PRMT8: variants seen among roughly 807,000 people sequenced by gnomAD.
PRMT8 encodes protein arginine methyltransferase 8.
Under a neutral mutation model 47.1 loss-of-function variants are expected in PRMT8, and 7 were observed. That is an observed-to-expected ratio of 0.15 (90% CI 0.08 to 0.28). PRMT8 has a LOEUF of 0.28. Ranked by LOEUF, PRMT8 falls within the 10% of genes least tolerant of loss-of-function variation. The pLI is 1.00. For missense variants in PRMT8, 237 were observed against 505.4 expected (o/e 0.47, Z 5.09); for synonymous variants, 188 against 186.5 (o/e 1.01, Z -0.07).
chr12:3,392,466 G>GT (rs1159181089), intron 1 of PRMT8, among the ~76,000 whole-genome samples: 4 of 149,350 alleles, frequency 2.7e-5, no homozygotes, highest in Non-Finnish European at 5.9e-5. Flanking sequence ...GCGGTGTTTG[G>GT]TTTTTTGTTC....
chr12:3,409,955 C>T lies in PRMT8; in HGVS notation c.48+28513C>T, dbSNP rs1864409584. Reference sequence around the variant, plus strand: ...CAAGAGAGGCAGGGTGTAGCAGCAACTGGGAGGCGTGGATGGAGTGGCTCT... The same window carrying T: ...CAAGAGAGGCAGGGTGTAGCAGCAATTGGGAGGCGTGGATGGAGTGGCTCT... On this transcript the variant is annotated intron_variant, in intron 1 of 9. Coordinates refer to the PRMT8 transcript ENST00000452611. The surrounding 1 kb of genome is among the most constrained non-coding windows in gnomAD (Gnocchi z 4.4). Among the ~76,000 whole-genome samples, 3 of 152,310 alleles carry T rather than the reference C, an allele frequency of 2.0e-5. No homozygotes were observed. In the South Asian group the frequency reaches 6.2e-4, roughly 32 times the overall value.
intron 1 of PRMT8, among the ~76,000 whole-genome samples, chr12:3,434,626 G>C (rs879799891): frequency 2.6e-5 from 4 of 152,142 alleles, no homozygotes; most frequent in Admixed American, 2.6e-4. Flanking sequence ...GAGCCCCCCA[G>C]AAAATGGAGC....
chr12:3,458,105 C>A (rs1467623497), intron 1 of PRMT8, among the ~76,000 whole-genome samples: 2 of 151,938 alleles, frequency 1.3e-5, no homozygotes, highest in African/African-American at 4.8e-5. Flanking sequence ...CCTCCCAAAG[C>A]GCTGGGATTA....
At chr12:3,415,376 C>T (rs954495169) in intron 1 of PRMT8, among the ~76,000 whole-genome samples, 1 of 152,126 alleles carries the variant, frequency 6.6e-6, no homozygotes, top group Non-Finnish European at 1.5e-5. Context: ...GATCATTGGC[C>T]ATTGGTGATC....
intron 2 of PRMT8, among the ~76,000 whole-genome samples, chr12:3,544,841 C>T (rs548425810): frequency 1.3e-5 from 2 of 152,332 alleles, no homozygotes; most frequent in South Asian, 4.1e-4. Context: ...AAATGCTTCA[C>T]TTTGACCAAG....
In PRMT8 at chr12:3,395,819, G is replaced by A. The variant is rs562211065; in HGVS notation, c.48+14377G>A. Among the ~76,000 whole-genome samples, 574 of 151,912 alleles carry A rather than the reference G, an allele frequency of 3.8e-3. 3 individuals are homozygous for A. The highest frequency in any genetic ancestry group is 0.013 in the African/African-American group (549 of 41,426). On this transcript the variant is annotated intron_variant, in intron 1 of 9. Transcript: ENST00000452611. Reference sequence around the variant, plus strand: ...CTAATGTTGACAGTGGGGTGTTAAAGTCTCCCATTACTAATGTGTGGGAGT... The same window carrying A: ...CTAATGTTGACAGTGGGGTGTTAAAATCTCCCATTACTAATGTGTGGGAGT...
At chr12:3,490,784 C>G (rs1481155653), upstream of PRMT8, among the ~76,000 whole-genome samples, 1 of 151,190 alleles carries the variant, frequency 6.6e-6, no homozygotes, top group Non-Finnish European at 1.5e-5. Flanking sequence ...CCTCCCCCAT[C>G]CAGACACCCA....
chr12:3,394,104 T>C (rs1864222987), intron 1 of PRMT8, among the ~76,000 whole-genome samples: 1 of 147,794 alleles, frequency 6.8e-6, no homozygotes, highest in Non-Finnish European at 1.5e-5. Context: ...CTTAAGGAGA[T>C]TTTGGGCTGA....
At position 3,583,204 on chromosome 12, in the gene PRMT8, C is replaced by T. The variant is rs868584771; in HGVS notation, c.975C>T (p.Ser325=). ...FTKCHKKMGF[S]TAPDAPYTHW... Reference sequence around the variant, plus strand: ...AGTGCCACAAGAAAATGGGGTTTTCCACAGGTGAGCTGTTTGTTGCTTCCC... The same window carrying T: ...AGTGCCACAAGAAAATGGGGTTTTCTACAGGTGAGCTGTTTGTTGCTTCCC... Residue 325 remains serine, a synonymous_variant, in exon 8 of 10, where the codon TCC becomes TCT. Coordinates refer to ENST00000382622, the MANE Select transcript of PRMT8 (RefSeq NM_019854.5). The surrounding 1 kb of genome is among the most constrained non-coding windows in gnomAD (Gnocchi z 4.7). 1 of 1,610,288 alleles carries T rather than the reference C, an allele frequency of 6.2e-7. No individual in the cohort carries two copies. The highest frequency in any genetic ancestry group is 1.1e-5 in the South Asian group (1 of 90,186).
chr12:3,479,148 A>G (rs552420613), intron 1 of PRMT8, among the ~76,000 whole-genome samples: 61 of 152,312 alleles, frequency 4.0e-4, no homozygotes, highest in African/African-American at 1.4e-3. Flanking sequence ...TAGGTTATTA[A>G]AGTAATTCTT....
intron 1 of PRMT8, among the ~76,000 whole-genome samples, chr12:3,483,339 C>G (rs969600902): frequency 4.6e-5 from 7 of 152,178 alleles, no homozygotes; most frequent in Non-Finnish European, 7.3e-5. Context: ...GAAAGCCCTT[C>G]CCTCTGTAAA....
intron 8 of PRMT8, among the ~76,000 whole-genome samples, chr12:3,590,866 G>T (rs1472464984): frequency 2.0e-5 from 3 of 152,108 alleles, no homozygotes; most frequent in Non-Finnish European, 4.4e-5. Context: ...ACAGAGGCAG[G>T]CACCGAGGAA....
At position 3,409,935 on chromosome 12, in the gene PRMT8, G is replaced by A. The variant is rs796241236; in HGVS notation, c.48+28493G>A. On this transcript the variant is annotated intron_variant, in intron 1 of 9. Transcript: ENST00000452611. The surrounding 1 kb of genome is among the most constrained non-coding windows in gnomAD (Gnocchi z 4.4). ...GGTGCCGCTTCAGCTCAGGCCAAGA[G>A]AGGCAGGGTGTAGCAGCAACTGGGA... 2.0e-5 allele frequency among the ~76,000 whole-genome samples: 3 copies of A among 152,338 alleles called. No individual in the cohort carries two copies. The highest frequency in any genetic ancestry group is 6.5e-5 in the Admixed American group (1 of 15,306).
At chr12:3,496,301 T>C (rs147219496) in intron 1 of PRMT8, among the ~76,000 whole-genome samples, 17 of 136,800 alleles carry the variant, frequency 1.2e-4, no homozygotes, top group African/African-American at 4.5e-4. Context: ...GAAAAAATCC[T>C]ACAATGTGAC....
Position 3,592,475 on chromosome 12 carries a change from G to A in PRMT8, c.1101+123G>A, listed in dbSNP as rs190232060. ...AGTCAGAAACTTACTGAGGCAGGCA[G>A]TCGGTAGCCACATGTGGACATGACT... is the stretch of plus-strand genomic sequence containing the variant. On this transcript the variant is annotated intron_variant, in intron 9 of 9. Transcript: ENST00000382622. 183 of 1,082,872 alleles carry A rather than the reference G, an allele frequency of 1.7e-4. No homozygotes were observed. In the African/African-American group the frequency reaches 2.7e-3, roughly 16 times the overall value. The allele number at this position is 1,082,872 out of a possible 1,614,324, so 67.1% of individuals were successfully genotyped here.
chr12:3,442,687 C>T (rs954469072), intron 1 of PRMT8, among the ~76,000 whole-genome samples: 1 of 152,198 alleles, frequency 6.6e-6, no homozygotes, highest in African/African-American at 2.4e-5. Context: ...CAGATAGAGT[C>T]TCACTCTGTC....
chr12:3,457,905 T>C (rs2137085644), intron 1 of PRMT8, among the ~76,000 whole-genome samples: 1 of 143,010 alleles, frequency 7.0e-6, no homozygotes, highest in East Asian at 2.1e-4. Flanking sequence ...TGCAGTGGTG[T>C]GATCTCAGCT....
chr12:3,526,496 C>T lies in PRMT8; in HGVS notation c.76-14110C>T, dbSNP rs766136408. ...CTCTCACCAATGGTGCACAAGAGTTCCAATTTTCCACTCTCTTACAAACAC... is the reference window on the plus strand; with the variant it reads ...CTCTCACCAATGGTGCACAAGAGTTTCAATTTTCCACTCTCTTACAAACAC... On this transcript the variant is annotated intron_variant, in intron 1 of 9. Coordinates refer to ENST00000382622, the MANE Select transcript of PRMT8 (RefSeq NM_019854.5). 3.5e-4 allele frequency among the ~76,000 whole-genome samples: 54 copies of T among 152,184 alleles called. 1 individual carries two copies. The highest frequency in any genetic ancestry group is 1.6e-4 in the Non-Finnish European group (11 of 68,026).
chr12:3,546,900 A>G (rs1196792589), intron 2 of PRMT8, among the ~76,000 whole-genome samples: 1 of 152,246 alleles, frequency 6.6e-6, no homozygotes, highest in Non-Finnish European at 1.5e-5. Flanking sequence ...ATATGCAACA[A>G]AATATTAGCA....
Sources: allele counts gnomAD v4.1 joint callset (sites outside exome capture counted in the v4.1 genomes callset), GRCh38; gene constraint gnomAD v4.1.1; non-coding constraint Gnocchi (gnomAD v3.1); transcripts MANE v1.5; gene names NCBI Gene and HGNC (gene_info 2026-07-23, HGNC 2026-07-21).